Variants in FUT9 observed in about 807,000 individuals in gnomAD.
The protein encoded by FUT9 is 4-galactosyl-N-acetylglucosaminide 3-alpha-L-fucosyltransferase 9.
Under a neutral mutation model 29.7 loss-of-function variants are expected in FUT9, and 15 were observed. That is an observed-to-expected ratio of 0.51 (90% CI 0.34 to 0.78). The LOEUF (loss-of-function observed/expected upper bound fraction) is 0.78. Among genes scored for constraint, FUT9 ranks in the 30% least tolerant of loss-of-function variants. The pLI, the probability that FUT9 is intolerant of heterozygous loss-of-function variation, is 0.01. For missense variants in FUT9, 319 were observed against 425.4 expected (o/e 0.75, Z 2.20); for synonymous variants, 169 against 153.7 (o/e 1.10, Z -0.74).
intron 2 of FUT9, among the ~76,000 whole-genome samples, chr6:96,134,182 C>T (rs1582257912): frequency 2.0e-5 from 3 of 151,446 alleles, no homozygotes; most frequent in Non-Finnish European, 4.4e-5. Flanking sequence ...TAGGTAATAG[C>T]CAAAGATAAA....
At chr6:96,046,017 A>T (rs1196286921) in intron 1 of FUT9, among the ~76,000 whole-genome samples, 2 of 152,188 alleles carry the variant, frequency 1.3e-5, no homozygotes, top group Non-Finnish European at 2.9e-5. Flanking sequence ...AAATCAGTAG[A>T]TTCAGCTTTT....
intron 2 of FUT9, among the ~76,000 whole-genome samples, chr6:96,141,400 T>C (rs540001277): frequency 1.3e-5 from 2 of 152,308 alleles, no homozygotes; most frequent in East Asian, 3.9e-4. Flanking sequence ...TGTATCTTTC[T>C]ATTAGCACAC....
chr6:96,151,243 AG>A (rs1772669817), intron 2 of FUT9, among the ~76,000 whole-genome samples: 1 of 152,184 alleles, frequency 6.6e-6, no homozygotes, highest in Admixed American at 6.6e-5. Context: ...GGTTATCTTT[AG>A]GGTAACTTCT....
intron 2 of FUT9, among the ~76,000 whole-genome samples, chr6:96,176,490 A>G (rs1364346785): frequency 6.6e-6 from 1 of 152,168 alleles, no homozygotes; most frequent in Non-Finnish European, 1.5e-5. Context: ...AGAAAAGGGT[A>G]AATCTGGCTG....
intron 2 of FUT9, among the ~76,000 whole-genome samples, chr6:96,120,143 C>T (rs950864833): frequency 6.6e-6 from 1 of 151,492 alleles, no homozygotes; most frequent in Non-Finnish European, 1.5e-5. Flanking sequence ...TTATTTTTTT[C>T]TGATTTAAAG....
At chr6:96,155,215 T>C (rs1772756959) in intron 2 of FUT9, among the ~76,000 whole-genome samples, 1 of 152,106 alleles carries the variant, frequency 6.6e-6, no homozygotes, top group African/African-American at 2.4e-5. Flanking sequence ...AAGTTACTAA[T>C]TGGGAGTTAG....
At chr6:96,168,163 A>G (rs1287984640) in intron 2 of FUT9, among the ~76,000 whole-genome samples, 1 of 152,182 alleles carries the variant, frequency 6.6e-6, no homozygotes, top group Non-Finnish European at 1.5e-5. Flanking sequence ...AATAAATTTG[A>G]GATTTGATGA....
chr6:96,103,841 A>T (rs1206516420), intron 1 of FUT9, among the ~76,000 whole-genome samples: 1 of 152,220 alleles, frequency 6.6e-6, no homozygotes, highest in Non-Finnish European at 1.5e-5. Context: ...ATACATATAC[A>T]TAGTAAAATA....
chr6:96,072,760 T>G (rs1771084474), intron 1 of FUT9, among the ~76,000 whole-genome samples: 1 of 152,226 alleles, frequency 6.6e-6, no homozygotes, highest in Non-Finnish European at 1.5e-5. Flanking sequence ...GTGCTATATT[T>G]TAACTGAAGT....
In FUT9 at chr6:96,109,853, G is replaced by A. The variant is rs118094497; in HGVS notation, c.-97-4186G>A. Reference sequence around the variant, plus strand: ...CTAACTCTTTACAATGGCCTTTGAGGCCCATCAAGACCTGCTGCTGCCTGG... The same window carrying A: ...CTAACTCTTTACAATGGCCTTTGAGACCCATCAAGACCTGCTGCTGCCTGG... On this transcript the variant is annotated intron_variant, in intron 1 of 2. Transcript: ENST00000302103. 8.0e-4 allele frequency among the ~76,000 whole-genome samples: 122 copies of A among 152,182 alleles called. 1 individual carries two copies. In the East Asian group the frequency reaches 0.023, roughly 29 times the overall value.
intron 1 of FUT9, among the ~76,000 whole-genome samples, chr6:96,018,735 T>C (rs1208373330): frequency 6.6e-6 from 1 of 152,078 alleles, no homozygotes; most frequent in Non-Finnish European, 1.5e-5. Flanking sequence ...AAGTTGCCAT[T>C]GGTTGAATGT....
intron 2 of FUT9, among the ~76,000 whole-genome samples, chr6:96,184,443 A>C (rs1201015706): frequency 6.6e-6 from 1 of 150,948 alleles, no homozygotes; most frequent in Non-Finnish European, 1.5e-5. Flanking sequence ...TGTCTCTTTC[A>C]ATTTCTTTTA....
At chr6:96,129,549 T>C (rs1257503156) in intron 2 of FUT9, among the ~76,000 whole-genome samples, 2 of 151,962 alleles carry the variant, frequency 1.3e-5, no homozygotes, top group Non-Finnish European at 2.9e-5. Flanking sequence ...CAATTTTCTC[T>C]TAAAAATCAT....
At chr6:96,197,488 G>A (rs1349805646) in intron 2 of FUT9, among the ~76,000 whole-genome samples, 1 of 152,102 alleles carries the variant, frequency 6.6e-6, no homozygotes, top group Non-Finnish European at 1.5e-5. Flanking sequence ...ATTTGTCAGT[G>A]ATTCATTTCT....
intron 1 of FUT9, chr6:96,021,121 C>A (rs1770060949): frequency 6.6e-6 from 1 of 151,822 alleles, no homozygotes; most frequent in Non-Finnish European, 1.5e-5. Context: ...AGGAAAAACT[C>A]AAAAAGACCA....
intron 1 of FUT9, among the ~76,000 whole-genome samples, chr6:96,056,497 C>T (rs1253114520): frequency 6.6e-6 from 1 of 152,156 alleles, no homozygotes; most frequent in Non-Finnish European, 1.5e-5. Flanking sequence ...AGTTACAAGA[C>T]CTTTTTCCAT....
intron 2 of FUT9, among the ~76,000 whole-genome samples, chr6:96,182,349 G>A (rs1562155235): frequency 1.3e-5 from 2 of 151,852 alleles, no homozygotes; most frequent in South Asian, 2.1e-4. Flanking sequence ...AGATTGTGAA[G>A]ATGTTCGCTT....
intron 1 of FUT9, among the ~76,000 whole-genome samples, chr6:96,056,441 T>C (rs1770769217): frequency 6.6e-6 from 1 of 152,236 alleles, no homozygotes; most frequent in African/African-American, 2.4e-5. Flanking sequence ...ATTAATTGTT[T>C]ATGTAACTTA....
At chr6:96,088,467 C>T (rs1299340358) in intron 1 of FUT9, among the ~76,000 whole-genome samples, 2 of 150,930 alleles carry the variant, frequency 1.3e-5, no homozygotes, top group African/African-American at 2.4e-5. Context: ...TTTAGGACTC[C>T]TATTATTACC....
Sources: allele counts gnomAD v4.1 joint callset (sites outside exome capture counted in the v4.1 genomes callset), GRCh38; gene constraint gnomAD v4.1.1; transcripts MANE v1.5; gene names NCBI Gene and HGNC (gene_info 2026-07-23, HGNC 2026-07-21).